The following SLC19A1 variants were observed in gnomAD, a reference collection of about 807,000 sequenced individuals.
The protein encoded by SLC19A1 is reduced folate transporter.
A neutral mutation model predicts 35.3 loss-of-function variants in SLC19A1; 37 were observed. That is an observed-to-expected ratio of 1.05 (90% confidence interval 0.81 to 1.38). The LOEUF (loss-of-function observed/expected upper bound fraction) is 1.38. Ranked by LOEUF, SLC19A1 falls within the 40% of genes most tolerant of loss-of-function variation. The pLI, the probability that SLC19A1 is intolerant of heterozygous loss-of-function variation, is 0.00. For missense variants in SLC19A1, 831 were observed against 826.9 expected, an observed-to-expected ratio of 1.00 and a Z score of -0.06; for synonymous variants, 460 against 398.5, an observed-to-expected ratio of 1.15 and a Z score of -1.84.
At chr21:45,507,136 A>G (rs1602629768) in intron 3 of SLC19A1, 1 of 174,788 alleles carries the variant, frequency 5.7e-6, no homozygotes, top group Non-Finnish European at 1.0e-5. Flanking sequence ...CAGGGAGGGC[A>G]CCCTCCTGTG....
At chr21:45,555,214 T>C (rs549149230) in intron 1 of SLC19A1, among the ~76,000 whole-genome samples, 213 of 2,272 alleles carry the variant, frequency 0.094, 31 homozygotes, top group Non-Finnish European at 0.1. Context: ...CAGGGGGCGG[T>C]GGGGGGCGCC....
downstream of SLC19A1, chr21:45,509,608 GC>G (rs3835286): frequency 0.44 from 620,708 of 1,410,840 alleles, 142,226 homozygotes; most frequent in African/African-American, 0.62. Flanking sequence ...GGTGGTGAGT[GC>G]CCCCCCAAAG....
intron 1 of SLC19A1, among the ~76,000 whole-genome samples, chr21:45,559,411 G>A (rs974500017): frequency 5.9e-5 from 9 of 152,208 alleles, no homozygotes; most frequent in Admixed American, 5.9e-4. Flanking sequence ...CCAGGGGTGT[G>A]GGCGAGTCCC....
intron 4 of SLC19A1, among the ~76,000 whole-genome samples, chr21:45,528,952 T>A (rs2077747894): frequency 6.6e-6 from 1 of 152,242 alleles, no homozygotes; most frequent in African/African-American, 2.4e-5. Context: ...CATCAATGAC[T>A]TTATAACTAA....
At chr21:45,510,216 C>T (rs751253150), downstream of SLC19A1, 26 of 1,605,632 alleles carry the variant, frequency 1.6e-5, no homozygotes, top group Admixed American at 1.7e-5. Flanking sequence ...TGTACAGCAT[C>T]GTGCGCCGTG....
At chr21:45,505,448 C>A in intron 3 of SLC19A1, 1 of 1,433,946 alleles carries the variant, frequency 7.0e-7, no homozygotes, top group Non-Finnish European at 9.7e-7. Context: ...GTCTGGGCAG[C>A]CGGCTGGGCA....
rs898602112 is a variant in SLC19A1 at position 45,530,614 on chromosome 21, G to A, written c.1151+156C>T. Among the ~76,000 whole-genome samples the A allele has an allele frequency of 2.0e-5, 3 of 152,180 alleles. No individual in the cohort carries two copies. The highest frequency in any genetic ancestry group is 4.4e-5 in the Non-Finnish European group (3 of 67,998). ...GAAGGGACGCCCGAGGTCCCAGGGA[G>A]AGGCAAGTGGGGACCCTGGTCAGCT... On this transcript the variant is annotated intron_variant, in intron 4 of 5. Transcript: ENST00000311124. This position sits in a 1 kb window ranked among gnomAD's most constrained non-coding sequence, Gnocchi z 5.3.
downstream of SLC19A1, chr21:45,509,315 A>AGCCG (rs1442190814): frequency 6.5e-7 from 1 of 1,536,656 alleles, no homozygotes; most frequent in Admixed American, 2.0e-5. Context: ...GGGCACCCGG[A>AGCCG]GGGTCCCCCC....
At chr21:45,505,768 A>ATTCC in intron 3 of SLC19A1, 1 of 1,213,588 alleles carries the variant, frequency 8.2e-7, no homozygotes, top group Middle Eastern at 2.7e-4. Context: ...TGAAACGGGC[A>ATTCC]TTCCTTCCTT....
At chr21:45,511,179 A>G, downstream of SLC19A1, 2 of 1,601,244 alleles carry the variant, frequency 1.2e-6, no homozygotes, top group South Asian at 1.1e-5. Context: ...AGCCCGGGGC[A>G]CGCATCTTCT....
intron 1 of SLC19A1, among the ~76,000 whole-genome samples, chr21:45,553,442 T>G (rs992175774): frequency 1.3e-5 from 2 of 151,980 alleles, no homozygotes; most frequent in Admixed American, 1.3e-4. Flanking sequence ...CTTGCTGTTA[T>G]TATTTTGTAT....
At chr21:45,543,565 A>G (rs2078375148), upstream of SLC19A1, among the ~76,000 whole-genome samples, 1 of 152,244 alleles carries the variant, frequency 6.6e-6, no homozygotes, top group South Asian at 2.1e-4. Flanking sequence ...GCCCACCAGC[A>G]GGGCAACCCC....
At chr21:45,512,476 CAGCCCCT>C, downstream of SLC19A1, 1 of 1,390,936 alleles carries the variant, frequency 7.2e-7, no homozygotes, top group Non-Finnish European at 1.0e-6. Flanking sequence ...AGCGGCCGGC[CAGCCCCT>C]GGCCCCAGGA....
chr21:45,507,875 TCAAAATCCTTGGGGC>T (rs1209250052), downstream of SLC19A1, among the ~76,000 whole-genome samples: 1 of 152,176 alleles, frequency 6.6e-6, no homozygotes, highest in Non-Finnish European at 1.5e-5. Context: ...CTCCTCAAGG[TCAAAATCCTTGGGGC>T]CAAAATCCAC....
chr21:45,554,839 C>T (rs747921303), intron 1 of SLC19A1, among the ~76,000 whole-genome samples: 1 of 151,830 alleles, frequency 6.6e-6, no homozygotes, highest in Non-Finnish European at 1.5e-5. Flanking sequence ...ATCTTATTTG[C>T]TTTTAACTGT....
chr21:45,514,683 A>C lies in SLC19A1; in HGVS notation c.*975T>G, dbSNP rs1274136769. 7 of 279,532 alleles carry C rather than the reference A, an allele frequency of 2.5e-5. No homozygotes were observed. The highest frequency in any genetic ancestry group is 5.5e-5 in the Admixed American group (1 of 18,246). The allele number at this position is 279,532 out of a possible 1,614,324, so 17.3% of individuals were successfully genotyped here. On this transcript the variant is annotated 3_prime_UTR_variant, in exon 6 of 6. Transcript: ENST00000311124. ...ACTGCTGACCCTCAACCCCCAGGCC[A>C]GGCCGGCCCTGAATCAGAAGCCCTG...
chr21:45,532,497 G>C (rs1888531), intron 2 of SLC19A1, among the ~76,000 whole-genome samples: 80,782 of 151,996 alleles, frequency 0.53, 21,932 homozygotes, highest in South Asian at 0.62. Flanking sequence ...GCAGTGGCAC[G>C]ATCTTAGCTC....
chr21:45,504,931 G>C (rs2037100744), intron 3 of SLC19A1, among the ~76,000 whole-genome samples: 1 of 131,154 alleles, frequency 7.6e-6, no homozygotes, highest in Non-Finnish European at 1.6e-5. Context: ...GTCTCTGCTG[G>C]TCTCTCCCCC....
In SLC19A1 at chr21:45,515,701, A is replaced by T; in HGVS notation, c.1733T>A (p.Leu578Ter). The stretch of plus-strand genomic sequence containing the variant: ...AACACCGTCGCTTGGAAGACACTGC[A>T]AACCCAGCTTGCTGACACCAGGAGG... ...VHPPGVSKLG[L>*]QCLPSDGVQN... is the part of the protein sequence containing the mutation. Residue 578 changes from leucine (L) to a stop codon, truncating the protein, a stop_gained, in exon 6 of 6, where the codon TTG becomes TAG. Transcript: ENST00000311124. LOFTEE classifies it low-confidence loss of function (END_TRUNC). 6.2e-7 allele frequency: 1 copy of T among 1,613,754 alleles called. No homozygotes were observed. Among genetic ancestry groups the T allele is most frequent in the Non-Finnish European group, 8.5e-7 (1 of 1,180,006 alleles).
Sources: allele counts gnomAD v4.1 joint callset (sites outside exome capture counted in the v4.1 genomes callset), GRCh38; gene constraint gnomAD v4.1.1; non-coding constraint Gnocchi (gnomAD v3.1); transcripts MANE v1.5; gene names NCBI Gene and HGNC (gene_info 2026-07-23, HGNC 2026-07-21).